CPED1: variants seen among roughly 807,000 people sequenced by gnomAD.
CPED1 encodes the protein cadherin like and PC-esterase domain containing 1.
A neutral mutation model predicts 128.2 loss-of-function variants in CPED1; 114 were observed. That is an observed-to-expected ratio of 0.89 (90% confidence interval 0.76 to 1.04). CPED1 has a LOEUF of 1.04. Ranked by LOEUF, CPED1 falls within the 50% of genes least tolerant of loss-of-function variation. The probability of loss-of-function intolerance (pLI) is 0.00; values close to 1 mark genes in which losing one functional copy is unlikely to be tolerated. For missense variants in CPED1, 1,211 were observed against 1,207.1 expected (o/e 1.00, Z -0.05); for synonymous variants, 462 against 426.7 (o/e 1.08, Z -1.02).
chr7:121,256,135 A>AAAAAAAAAAAAAAC (rs1562852781), intron 18 of CPED1, among the ~76,000 whole-genome samples: 1 of 148,882 alleles, frequency 6.7e-6, no homozygotes, highest in African/African-American at 2.5e-5. Context: ...AAAACAAAAA[A>AAAAAAAAAAAAAAC]AAAAAACAAA....
At chr7:121,029,608 C>G (rs562827389) in intron 3 of CPED1, among the ~76,000 whole-genome samples, 25 of 152,204 alleles carry the variant, frequency 1.6e-4, no homozygotes, top group African/African-American at 5.8e-4. Context: ...TGTGTTTGCT[C>G]AAATATTTCT....
intron 5 of CPED1, among the ~76,000 whole-genome samples, chr7:121,085,087 C>T (rs1794388489): frequency 1.3e-5 from 2 of 152,138 alleles, no homozygotes; most frequent in African/African-American, 4.8e-5. Context: ...ACCGTTTACT[C>T]CACTTCTGCT....
At chr7:121,287,488 A>AC (rs1407022497) in intron 22 of CPED1, among the ~76,000 whole-genome samples, 1 of 152,160 alleles carries the variant, frequency 6.6e-6, no homozygotes, top group Admixed American at 6.5e-5. Context: ...AAGAGGAAGC[A>AC]CCAAGTTTGT....
chr7:121,077,344 C>A (rs567667727), intron 5 of CPED1, among the ~76,000 whole-genome samples: 1 of 152,128 alleles, frequency 6.6e-6, no homozygotes, highest in Admixed American at 6.5e-5. Flanking sequence ...TGCATTTTTT[C>A]ATTCCTTTTA....
chr7:121,195,637 T>G (rs1473294642), intron 16 of CPED1, among the ~76,000 whole-genome samples: 2 of 152,200 alleles, frequency 1.3e-5, no homozygotes, highest in Admixed American at 6.5e-5. Flanking sequence ...CTTCTCTACT[T>G]GGTAATAACC....
In CPED1 at chr7:121,044,196, A is replaced by C. The variant is rs530675200; in HGVS notation, c.434-2691A>C. ...GAAACAAGTGAAACTTCATTAAAAAAAGAAAAAGGGCTTTGGAAAGCAGGA... is the reference window on the plus strand; with the variant it reads ...GAAACAAGTGAAACTTCATTAAAAACAGAAAAAGGGCTTTGGAAAGCAGGA... On this transcript the variant is annotated intron_variant, in intron 3 of 22. Coordinates refer to ENST00000310396, the MANE Select transcript of CPED1 (RefSeq NM_024913.5). Among the ~76,000 whole-genome samples the C allele has an allele frequency of 1.3e-4, 20 of 152,340 alleles. No homozygotes were observed. The East Asian group carries it at 2.7e-3, about 21-fold the overall frequency.
intron 16 of CPED1, among the ~76,000 whole-genome samples, chr7:121,196,399 A>G (rs796672875): frequency 4.6e-5 from 7 of 152,230 alleles, no homozygotes; most frequent in African/African-American, 1.7e-4. Flanking sequence ...ATGCTTAATC[A>G]GCAGCTTTTG....
At chr7:121,266,574 C>T in intron 19 of CPED1, 127 bp downstream of exon 19, 1 of 1,172,006 alleles carries the variant, frequency 8.5e-7, no homozygotes, top group Non-Finnish European at 1.3e-6. Context: ...AGTAAGGCAG[C>T]AGAAAACAAG....
intron 16 of CPED1, among the ~76,000 whole-genome samples, chr7:121,230,858 G>T (rs1294605703): frequency 6.6e-6 from 1 of 152,042 alleles, no homozygotes. Context: ...CTTTAGGAGA[G>T]CAAAACAAGG....
intron 14 of CPED1, among the ~76,000 whole-genome samples, chr7:121,139,914 A>G (rs1026963022): frequency 6.6e-5 from 10 of 152,056 alleles, no homozygotes; most frequent in African/African-American, 2.2e-4. Context: ...TGATTTTTAT[A>G]GAATTTTGTA....
intron 22 of CPED1, among the ~76,000 whole-genome samples, chr7:121,280,064 T>C (rs1019037300): frequency 6.6e-6 from 1 of 152,170 alleles, no homozygotes; most frequent in Non-Finnish European, 1.5e-5. Context: ...ACAAATTGTG[T>C]AACATTTAGT....
At chr7:121,221,035 G>C (rs909497161) in intron 16 of CPED1, among the ~76,000 whole-genome samples, 1 of 151,936 alleles carries the variant, frequency 6.6e-6, no homozygotes, top group African/African-American at 2.4e-5. Context: ...TTGATACATA[G>C]GTATATGTGC....
chr7:121,202,418 G>A (rs1297120904), intron 16 of CPED1, among the ~76,000 whole-genome samples: 1 of 152,142 alleles, frequency 6.6e-6, no homozygotes, highest in Admixed American at 6.5e-5. Flanking sequence ...AGGAGGCAAT[G>A]GTTGCCATAA....
chr7:121,218,299 C>T (rs116967522), intron 16 of CPED1, among the ~76,000 whole-genome samples: 2 of 151,860 alleles, frequency 1.3e-5, no homozygotes, highest in East Asian at 2.0e-4. Context: ...ACTTTTACAC[C>T]CACCTAATAA....
chr7:121,006,829 G>T (rs1194932979), intron 2 of CPED1, among the ~76,000 whole-genome samples: 1 of 152,110 alleles, frequency 6.6e-6, no homozygotes, highest in Non-Finnish European at 1.5e-5. Context: ...TGCAACGTGG[G>T]TGGCATCTCA....
chr7:121,138,579 G>A (rs1201179065), intron 14 of CPED1, among the ~76,000 whole-genome samples: 2 of 152,004 alleles, frequency 1.3e-5, no homozygotes, highest in Non-Finnish European at 2.9e-5. Context: ...GTCATCTAGG[G>A]CTGTTTCAGT....
intron 5 of CPED1, among the ~76,000 whole-genome samples, chr7:121,091,614 T>G (rs895653649): frequency 2.6e-5 from 4 of 152,174 alleles, no homozygotes; most frequent in Non-Finnish European, 4.4e-5. Flanking sequence ...GTGTAACACT[T>G]CTTGAGCATA....
chr7:121,268,628 ATGTGCACACAAGTG>A (rs1792177763), intron 21 of CPED1, among the ~76,000 whole-genome samples: 1 of 138,862 alleles, frequency 7.2e-6, no homozygotes, highest in Non-Finnish European at 1.5e-5. Context: ...CTACCAGTGC[ATGTGCACACAAGTG>A]TGTGCACACA....
At chr7:121,149,706 G>A (rs1796108271) in intron 16 of CPED1, 1 of 151,710 alleles carries the variant, frequency 6.6e-6, no homozygotes. Flanking sequence ...GACATTCTAA[G>A]AATTTGTCTT....
Sources: allele counts gnomAD v4.1 joint callset (sites outside exome capture counted in the v4.1 genomes callset), GRCh38; gene constraint gnomAD v4.1.1; transcripts MANE v1.5; gene names NCBI Gene and HGNC (gene_info 2026-07-23, HGNC 2026-07-21).